The following FBXO34 variants were observed in gnomAD, a reference collection of about 807,000 sequenced individuals.
FBXO34 encodes the protein F-box only protein 34.
In FBXO34, 12 loss-of-function variants were observed where a neutral mutation model predicts 24.5. The observed-to-expected ratio is 0.49, with a 90% CI of 0.31 to 0.79. The LOEUF (loss-of-function observed/expected upper bound fraction) is 0.79, where lower values mean the gene tolerates loss of function less well. FBXO34 is among the 30% of genes least tolerant of loss of function. The pLI is 0.04. For synonymous variants in FBXO34, 320 were observed against 311.9 expected (o/e 1.03, Z -0.27); for missense variants, 823 against 857.7 (o/e 0.96, Z 0.51).
At chr14:55,298,915 C>T in intron 1 of FBXO34, 1 of 1,577,258 alleles carries the variant, frequency 6.3e-7, no homozygotes. Flanking sequence ...AACACCAATA[C>T]CGAGGTGCTC....
At chr14:55,338,045 C>CTTTTTTTTTTTTTTTTTTTT (rs1480397645) in intron 1 of FBXO34, among the ~76,000 whole-genome samples, 1 of 82,916 alleles carries the variant, frequency 1.2e-5, no homozygotes, top group Non-Finnish European at 2.2e-5. Context: ...AGAGTATGTA[C>CTTTTTTTTTTTTTTTTTTTT]TTCTTTTTTT....
chr14:55,411,426 C>T, the FBXO34 span, among the ~76,000 whole-genome samples: 1 of 152,202 alleles, frequency 6.6e-6, no homozygotes, highest in Admixed American at 6.5e-5. Context: ...CATCTGGCCC[C>T]TACGCTGTCC....
At chr14:55,430,589 T>C in the FBXO34 span, among the ~76,000 whole-genome samples, 3 of 151,966 alleles carry the variant, frequency 2.0e-5, no homozygotes, top group Admixed American at 1.3e-4. Context: ...AGAGACAGGG[T>C]CTTGCTGTCT....
At chr14:55,323,177 T>A (rs1164796958) in intron 1 of FBXO34, among the ~76,000 whole-genome samples, 1 of 48,328 alleles carries the variant, frequency 2.1e-5, no homozygotes, top group African/African-American at 1.0e-4. Context: ...AGAGTGAGAC[T>A]CTGTCTCAAA....
At chr14:55,365,387 A>G (rs921205016), downstream of FBXO34, among the ~76,000 whole-genome samples, 5 of 152,028 alleles carry the variant, frequency 3.3e-5, no homozygotes, top group African/African-American at 4.8e-5. Context: ...CACTTCAACT[A>G]TCTAAGCACT....
chr14:55,393,004 G>C, the FBXO34 span, among the ~76,000 whole-genome samples: 1 of 152,076 alleles, frequency 6.6e-6, no homozygotes, highest in Admixed American at 6.5e-5. Context: ...AGAAAACTCA[G>C]GAAAATCTTC....
chr14:55,412,071 G>A, the FBXO34 span, among the ~76,000 whole-genome samples: 1 of 152,262 alleles, frequency 6.6e-6, no homozygotes, highest in African/African-American at 2.4e-5. Context: ...GCTGGCTCAG[G>A]CCAAGACTAC....
the FBXO34 span, chr14:55,378,027 A>ACTGCTCGAGTAAATTT: frequency 6.2e-7 from 1 of 1,613,190 alleles, no homozygotes; most frequent in Non-Finnish European, 8.5e-7. Flanking sequence ...CAGTTTCTTC[A>ACTGCTCGAGTAAATTT]CTGCTCGAGT....
intron 1 of FBXO34, among the ~76,000 whole-genome samples, chr14:55,323,177 T>C (rs1164796958): frequency 2.1e-5 from 1 of 48,310 alleles, no homozygotes; most frequent in Non-Finnish European, 3.4e-5. Context: ...AGAGTGAGAC[T>C]CTGTCTCAAA....
chr14:55,413,628 G>A, the FBXO34 span: 1 of 423,784 alleles, frequency 2.4e-6, no homozygotes, highest in Non-Finnish European at 4.7e-6. Context: ...TGCTTGTCTG[G>A]GTGGAGCAGG....
the FBXO34 span, among the ~76,000 whole-genome samples, chr14:55,398,358 A>G: frequency 6.6e-6 from 1 of 152,066 alleles, no homozygotes; most frequent in Non-Finnish European, 1.5e-5. Flanking sequence ...TAAGGTGATA[A>G]CTCAGGTCAA....
chr14:55,352,333 G>A lies in FBXO34; in HGVS notation c.1943G>A (p.Arg648Gln), dbSNP rs535237309. 15 of 1,614,186 alleles carry A rather than the reference G, an allele frequency of 9.3e-6. No homozygotes were observed. In the South Asian group the frequency reaches 1.1e-4, roughly 12 times the overall value. Residue 648 changes from arginine (R) to glutamine (Q), a missense_variant, in exon 2 of 2, where the codon CGA becomes CAA. Arg to Gln is a conservative substitution (Grantham distance 43). This residue lies in a region of FBXO34 where 130 missense variants were observed against 198.6 expected (regional missense o/e 0.65). Coordinates refer to ENST00000313833, the MANE Select transcript of FBXO34 (RefSeq NM_017943.4). ...GTGAAAGGGGATGTGTCCCTGTGCC[G>A]ATGGCACCCCAAGCCCTATTGCCAG... ...KYVKGDVSLC[R>Q]WHPKPYCQAL...
chr14:55,436,982 G>C, the FBXO34 span: 1 of 1,614,172 alleles, frequency 6.2e-7, no homozygotes, highest in East Asian at 2.2e-5. Context: ...GGTACAACTG[G>C]GCTGAACAGG....
intron 1 of FBXO34, among the ~76,000 whole-genome samples, chr14:55,337,014 C>T (rs1464308611): frequency 1.3e-5 from 2 of 148,678 alleles, no homozygotes; most frequent in African/African-American, 4.9e-5. Flanking sequence ...CTCACTCTGT[C>T]GCCCAGGCTA....
At chr14:55,382,186 G>A in the FBXO34 span, 3 of 1,614,150 alleles carry the variant, frequency 1.9e-6, no homozygotes, top group African/African-American at 1.3e-5. Context: ...CACATCTGCG[G>A]GGTCTCTACA....
chr14:55,329,465 A>G (rs572033420), intron 1 of FBXO34, among the ~76,000 whole-genome samples: 2 of 152,322 alleles, frequency 1.3e-5, no homozygotes, highest in South Asian at 4.1e-4. Context: ...GTTTCACCTG[A>G]AGAAAGTGTG....
rs527532943 is a variant in FBXO34 at position 55,309,345 on chromosome 14, C to T, written c.-11+37808C>T. 3.3e-3 allele frequency among the ~76,000 whole-genome samples: 499 copies of T among 152,200 alleles called. 5 individuals carry two copies. The highest frequency in any genetic ancestry group is 0.012 in the African/African-American group (486 of 41,520). ...GGGGGAGATGTCTCTACAGCAATGT[C>T]TCAGGTTTCCAGAACGATGGGCTAT... is the stretch of plus-strand genomic sequence containing the variant. On this transcript the variant is annotated intron_variant, in intron 1 of 1. Coordinates refer to ENST00000313833, the MANE Select transcript of FBXO34 (RefSeq NM_017943.4).
chr14:55,437,007 G>C, the FBXO34 span: 2 of 1,613,846 alleles, frequency 1.2e-6, no homozygotes, highest in South Asian at 1.1e-5. Context: ...ACCTGGGTGG[G>C]GCAAGGCCAT....
chr14:55,275,784 A>T (rs919696217), intron 1 of FBXO34, among the ~76,000 whole-genome samples: 3 of 145,838 alleles, frequency 2.1e-5, no homozygotes, highest in Non-Finnish European at 4.5e-5. Flanking sequence ...AGATGGCGCC[A>T]CTGCACTTAA....
Sources: allele counts gnomAD v4.1 joint callset (sites outside exome capture counted in the v4.1 genomes callset), GRCh38; gene constraint gnomAD v4.1.1; regional missense constraint gnomAD v4.1.1; transcripts MANE v1.5; gene names NCBI Gene and HGNC (gene_info 2026-07-23, HGNC 2026-07-21).